The following CCDC28A variants were observed in gnomAD, a reference collection of about 807,000 sequenced individuals.
CCDC28A encodes the protein coiled-coil domain containing 28A.
A neutral mutation model predicts 22.1 loss-of-function variants in CCDC28A; 24 were observed. The observed-to-expected ratio is 1.09, with a 90% CI of 0.79 to 1.53. The LOEUF is 1.53. Among genes scored for constraint, CCDC28A ranks in the 40% most tolerant of loss-of-function variants. The pLI is 0.00. For missense variants in CCDC28A, 170 were observed against 210.7 expected, an observed-to-expected ratio of 0.81 and a Z score of 1.20; for synonymous variants, 83 against 74.7, an observed-to-expected ratio of 1.11 and a Z score of -0.57.
chr6:138,780,667 C>T (rs1409698582), intron 3 of CCDC28A, among the ~76,000 whole-genome samples: 1 of 150,776 alleles, frequency 6.6e-6, no homozygotes, highest in Non-Finnish European at 1.5e-5. Context: ...CTCCACCTCT[C>T]GGGTTCAAGT....
At chr6:138,782,640 A>G (rs1236850893) in intron 3 of CCDC28A, among the ~76,000 whole-genome samples, 1 of 152,212 alleles carries the variant, frequency 6.6e-6, no homozygotes, top group Non-Finnish European at 1.5e-5. Flanking sequence ...ACAAACACGT[A>G]TCTTGAGATA....
chr6:138,788,632 G>A (rs1170823819), intron 5 of CCDC28A, among the ~76,000 whole-genome samples: 2 of 136,250 alleles, frequency 1.5e-5, no homozygotes, highest in African/African-American at 5.7e-5. Flanking sequence ...CTGGAGTGCA[G>A]TGCCACGATC....
At chr6:138,779,646 G>A (rs1285640144) in intron 2 of CCDC28A, among the ~76,000 whole-genome samples, 176 bp from the exon 3 acceptor site, 1 of 152,026 alleles carries the variant, frequency 6.6e-6, no homozygotes, top group African/African-American at 2.4e-5. Context: ...ATTTGTTTGA[G>A]GTTTTTCACA....
At chr6:138,791,399 G>A (rs1381505033) in intron 5 of CCDC28A, among the ~76,000 whole-genome samples, 1 of 152,048 alleles carries the variant, frequency 6.6e-6, no homozygotes, top group Non-Finnish European at 1.5e-5. Context: ...TATTTCTATT[G>A]AACAGTGTTG....
chr6:138,786,032 G>T (rs1238995866), intron 4 of CCDC28A, among the ~76,000 whole-genome samples: 1 of 152,164 alleles, frequency 6.6e-6, no homozygotes, highest in South Asian at 2.1e-4. Flanking sequence ...AGACTGGGTG[G>T]CTTTAACAAC....
chr6:138,779,180 A>G (rs1583520806), intron 2 of CCDC28A, among the ~76,000 whole-genome samples: 1 of 152,216 alleles, frequency 6.6e-6, no homozygotes, highest in South Asian at 2.1e-4. Context: ...AGATAGGGAG[A>G]CTGGTTGGGA....
At chr6:138,784,153 C>CT (rs372636688) in intron 3 of CCDC28A, among the ~76,000 whole-genome samples, 175 of 151,932 alleles carry the variant, frequency 1.2e-3, no homozygotes, top group African/African-American at 4.1e-3. Flanking sequence ...TCCCCAAGTG[C>CT]TAGGATTACA....
chr6:138,786,076 A>G (rs1013305995), intron 4 of CCDC28A, among the ~76,000 whole-genome samples: 11 of 152,176 alleles, frequency 7.2e-5, no homozygotes, highest in African/African-American at 2.7e-4. Context: ...CGGAGGCTAA[A>G]GTTGGAGCTC....
intron 2 of CCDC28A, among the ~76,000 whole-genome samples, chr6:138,777,518 A>G (rs532176899): frequency 6.6e-6 from 1 of 152,312 alleles, no homozygotes; most frequent in East Asian, 1.9e-4. Context: ...TATTTGTATC[A>G]TTGTCATTTT....
At chr6:138,779,333 T>G (rs775624950) in intron 2 of CCDC28A, among the ~76,000 whole-genome samples, 1 of 152,168 alleles carries the variant, frequency 6.6e-6, no homozygotes, top group Non-Finnish European at 1.5e-5. Context: ...GATAACAAGT[T>G]TTTAGTATTC....
In CCDC28A at chr6:138,792,837, G is replaced by C. The variant is rs571964067; in HGVS notation, c.*34G>C. 6.9e-7 allele frequency: 1 copy of C among 1,454,402 alleles called. No homozygotes were observed. Among genetic ancestry groups the C allele is most frequent in the African/African-American group, 1.4e-5 (1 of 72,090 alleles). The allele number at this position is 1,454,402 out of a possible 1,614,324, so 90.1% of individuals were successfully genotyped here. On this transcript the variant is annotated 3_prime_UTR_variant, in exon 6 of 6. Coordinates refer to ENST00000617445, the MANE Select transcript of CCDC28A (RefSeq NM_015439.3). ...GTAGTTTGCTTTCTTGTGATTTGAA[G>C]AGAAGCAGCAGTCTTTACTTTTCCA...
chr6:138,787,657 C>G (rs1775113091), intron 4 of CCDC28A, among the ~76,000 whole-genome samples: 1 of 152,048 alleles, frequency 6.6e-6, no homozygotes, highest in African/African-American at 2.4e-5. Flanking sequence ...ACTTATAAAA[C>G]TCCAGTTTTT....
chr6:138,777,666 A>G (rs1774955683), intron 2 of CCDC28A, among the ~76,000 whole-genome samples: 1 of 152,128 alleles, frequency 6.6e-6, no homozygotes. Context: ...TGCTTGCTTT[A>G]TTGTTGAATT....
At chr6:138,788,780 A>G (rs927913357) in intron 5 of CCDC28A, among the ~76,000 whole-genome samples, 5 of 151,678 alleles carry the variant, frequency 3.3e-5, no homozygotes, top group Admixed American at 6.6e-5. Context: ...GTTGTTTTCT[A>G]TGCTGAAATT....
At chr6:138,785,164 TTTACTCAATGCTG>T in intron 3 of CCDC28A, 50 bp from the exon 4 acceptor site, 1 of 1,163,506 alleles carries the variant, frequency 8.6e-7, no homozygotes, top group Non-Finnish European at 1.2e-6. Flanking sequence ...TTTAAGTGTT[TTTACTCAATGCTG>T]TTAGTTTGAA....
At chr6:138,780,108 A>G (rs1482270609) in intron 3 of CCDC28A, 123 bp downstream of exon 3, 1 of 642,136 alleles carries the variant, frequency 1.6e-6, no homozygotes, top group Non-Finnish European at 2.4e-6. Flanking sequence ...GCCCACAGGC[A>G]TAAAGGCAAT....
chr6:138,775,978 G>C, intron 1 of CCDC28A, 101 bp from the exon 2 acceptor site: 1 of 952,494 alleles, frequency 1.0e-6, no homozygotes, highest in East Asian at 2.6e-5. Context: ...ATGCCCTCTG[G>C]AATTCTTGAT....
intron 4 of CCDC28A, among the ~76,000 whole-genome samples, chr6:138,785,997 C>T (rs549722184): frequency 7.9e-5 from 12 of 152,120 alleles, no homozygotes; most frequent in Admixed American, 2.6e-4. Context: ...ATTACTTTGC[C>T]AGGGCTGCCA....
At chr6:138,792,652 T>TTAAA (rs1308099398) in intron 5 of CCDC28A, 97 bp from the exon 6 acceptor site, 45 of 787,646 alleles carry the variant, frequency 5.7e-5, no homozygotes, top group African/African-American at 8.5e-5. Flanking sequence ...TATCTCTTTT[T>TTAAA]TAAATACCGC....
Sources: gnomAD v4.1 joint callset for allele counts (sites outside exome capture counted in the v4.1 genomes callset) on GRCh38, gnomAD v4.1.1 for gene constraint, MANE v1.5 for transcripts, NCBI Gene and HGNC (gene_info 2026-07-23, HGNC 2026-07-21) for gene names.